Variants in STYXL2 observed in about 807,000 individuals in gnomAD.
STYXL2 encodes serine/threonine/tyrosine interacting like 2.
In STYXL2, 44 loss-of-function variants were observed where a neutral mutation model predicts 52.4. The observed-to-expected ratio is 0.84, with a 90% CI of 0.66 to 1.08. The LOEUF is 1.08. STYXL2 is among the 50% of genes least tolerant of loss of function. STYXL2 has a pLI of 0.00. For synonymous variants in STYXL2, 604 were observed against 586.9 expected (o/e 1.03, Z -0.42); for missense variants, 1,604 against 1,471.7 (o/e 1.09, Z -1.47).
At chr1:167,116,356 C>T (rs1027721317) in intron 3 of STYXL2, among the ~76,000 whole-genome samples, 3 of 152,090 alleles carry the variant, frequency 2.0e-5, no homozygotes, top group African/African-American at 7.2e-5. Context: ...CCCTGAGTCA[C>T]GTTTTGAGAT....
intron 5 of STYXL2, among the ~76,000 whole-genome samples, chr1:167,122,378 C>T (rs959720232): frequency 6.6e-6 from 1 of 152,130 alleles, no homozygotes; most frequent in Admixed American, 6.5e-5. Context: ...TGACATTAAA[C>T]TAGCTAATTT....
Position 167,126,933 on chromosome 1 carries a change from G to T in STYXL2, c.1802G>T (p.Gly601Val). 1.2e-6 allele frequency: 2 copies of T among 1,611,640 alleles called. No homozygotes were observed. The highest frequency in any genetic ancestry group is 1.7e-6 in the Non-Finnish European group (2 of 1,178,844). Reference protein sequence around the residue: ...AWKLKHQKKVGSENKEEVVEL... With the variant: ...AWKLKHQKKVVSENKEEVVEL... ...AAGCTGAAACACCAGAAGAAGGTGG[G>T]CAGTGAGAACAAGGAGGAGGTGGTG... The change falls in exon 6 of 6, where the codon GGC (glycine) becomes GTC (valine). Residue 601 changes from glycine to valine, a missense_variant. Gly to Val is a moderately radical substitution (Grantham distance 109). Coordinates refer to ENST00000361200, the MANE Select transcript of STYXL2 (RefSeq NM_001080426.3).
rs1266093597 is a variant in STYXL2, at chr1:167,128,235, A to C, written c.3104A>C (p.Glu1035Ala). Residue 1035 changes from glutamate (E) to alanine (A), a missense_variant, in exon 6 of 6, where the codon GAG (glutamate) becomes GCG (alanine). By Grantham distance (107) the Glu-to-Ala change is moderately radical (BLOSUM62 -1). Transcript: ENST00000361200. ...AACGAGACCTCAAGTTCCCGAGAGGAGAGCCCAGAGCCCTACTTCTTCCGC... is the reference window on the plus strand; with the variant it reads ...AACGAGACCTCAAGTTCCCGAGAGGCGAGCCCAGAGCCCTACTTCTTCCGC... The part of the protein sequence containing the change: ...TYNETSSSRE[E>A]SPEPYFFRRT... 1.1e-5 allele frequency: 17 copies of C among 1,614,176 alleles called. No individual in the cohort carries two copies. The highest frequency in any genetic ancestry group is 1.4e-5 in the Non-Finnish European group (17 of 1,180,030).
intron 2 of STYXL2, among the ~76,000 whole-genome samples, chr1:167,105,173 TTC>T (rs1238800241): frequency 1.5e-4 from 21 of 141,598 alleles, no homozygotes; most frequent in African/African-American, 6.4e-4. Flanking sequence ...CTTCCTTTTT[TTC>T]TGTTTCCTTT....
intron 2 of STYXL2, among the ~76,000 whole-genome samples, chr1:167,108,274 G>A (rs1282428365): frequency 4.6e-5 from 7 of 152,138 alleles, no homozygotes; most frequent in Non-Finnish European, 1.0e-4. Flanking sequence ...AGAGACACAG[G>A]TAAATAAGAC....
Position 167,127,168 on chromosome 1 carries a change from G to A in STYXL2, c.2037G>A (p.Leu679=), listed in dbSNP as rs1416367604. The A allele has an allele frequency of 2.5e-6, 4 of 1,613,982 alleles. No homozygotes were observed. Among genetic ancestry groups the A allele is most frequent in the Non-Finnish European group, 2.5e-6 (3 of 1,179,988 alleles). Residue 679 remains leucine (L), a synonymous_variant, in exon 6 of 6, where the codon CTG becomes CTA. Coordinates refer to ENST00000361200, the MANE Select transcript of STYXL2 (RefSeq NM_001080426.3). ...CTGATGGGGACACGACGTCAGTACT[G>A]AGCACCCAGAGCCACCGCTCCCACC... ...VSADGDTTSV[L]STQSHRSHLS... is the part of the protein sequence containing the mutation.
chr1:167,117,804 C>A (rs1490539421), intron 4 of STYXL2, among the ~76,000 whole-genome samples: 2 of 152,198 alleles, frequency 1.3e-5, no homozygotes, highest in African/African-American at 4.8e-5. Flanking sequence ...TCTCTTGTCC[C>A]TCAAGAAGGC....
rs1262995516 is a variant in STYXL2 at position 167,126,188 on chromosome 1, C to G, written c.1057C>G (p.Gln353Glu). 1 of 1,523,492 alleles carries G rather than the reference C, an allele frequency of 6.6e-7. No homozygotes were observed. The highest frequency in any genetic ancestry group is 1.4e-5 in the African/African-American group (1 of 71,936). 94.4% of individuals were successfully genotyped at this position (1,523,492 alleles called of 1,614,324 possible). ...GGAGGAGGAGGAGAAACTGTACGAG[C>G]AGTGGAAGAAGGGGCAGGGCCTCCT... ...DEEEEEKLYEQWKKGQGLLSD... is the reference protein window; with the variant it reads ...DEEEEEKLYEEWKKGQGLLSD... The change falls in exon 6 of 6, where the codon CAG (glutamine) becomes GAG (glutamate). Residue 353 changes from glutamine to glutamate, a missense_variant. Transcript: ENST00000361200.
rs543424523 is a variant in STYXL2 at position 167,117,781 on chromosome 1, C to T, written c.437+222C>T. On this transcript the variant is annotated intron_variant, in intron 4 of 5. Transcript: ENST00000361200. The stretch of plus-strand genomic sequence containing the variant: ...CCGCCATGACTGCTTATCCTTTGCC[C>T]TCTTGCCAGGACTCTCTTGTCCCTC... 7.5e-4 allele frequency among the ~76,000 whole-genome samples: 114 copies of T among 152,338 alleles called. 3 individuals are homozygous for T. In the South Asian group the frequency reaches 0.011, roughly 15 times the overall value.
chr1:167,097,186 T>C (rs1197260766), intron 2 of STYXL2, among the ~76,000 whole-genome samples: 3 of 152,238 alleles, frequency 2.0e-5, no homozygotes, highest in African/African-American at 4.8e-5. Context: ...CATAGCCACG[T>C]TGAAGACATG....
chr1:167,110,581 A>G (rs1667596882), intron 2 of STYXL2, among the ~76,000 whole-genome samples: 1 of 152,220 alleles, frequency 6.6e-6, no homozygotes, highest in South Asian at 2.1e-4. Context: ...AATACAAAAT[A>G]CACTGGAAAG....
At position 167,126,900 on chromosome 1, in the gene STYXL2, A is replaced by G. The variant is rs768511723; in HGVS notation, c.1769A>G (p.Gln590Arg). Residue 590 changes from glutamine (Q) to arginine (R), a missense_variant, in exon 6 of 6, where the codon CAG becomes CGG. By Grantham distance (43) the Gln-to-Arg change is conservative. Coordinates refer to ENST00000361200, the MANE Select transcript of STYXL2 (RefSeq NM_001080426.3). Reference protein sequence around the residue: ...NPSDVSLTAYQAWKLKHQKKV... With the variant: ...NPSDVSLTAYRAWKLKHQKKV... ...TCCGACGTCAGCCTGACAGCCTACCAGGCCTGGAAGCTGAAACACCAGAAG... is the reference window on the plus strand; with the variant it reads ...TCCGACGTCAGCCTGACAGCCTACCGGGCCTGGAAGCTGAAACACCAGAAG... 14 of 1,612,008 alleles carry G rather than the reference A, an allele frequency of 8.7e-6. No individual in the cohort carries two copies. The Admixed American group carries it at 2.2e-4, about 25-fold the overall frequency.
intron 2 of STYXL2, among the ~76,000 whole-genome samples, chr1:167,106,072 C>T (rs1353688483): frequency 6.6e-6 from 1 of 152,210 alleles, no homozygotes; most frequent in Admixed American, 6.5e-5. Flanking sequence ...AAATTCTCCC[C>T]TATCAAACCC....
Position 167,127,318 on chromosome 1 carries a change from T to G in STYXL2, c.2187T>G (p.Asn729Lys). 6.2e-7 allele frequency: 1 copy of G among 1,614,176 alleles called. No individual in the cohort carries two copies. The highest frequency in any genetic ancestry group is 8.5e-7 in the Non-Finnish European group (1 of 1,180,022). Residue 729 changes from asparagine (N) to lysine (K), a missense_variant, in exon 6 of 6, where the codon AAT becomes AAG. Physicochemically the swap from Asn to Lys is moderately conservative, Grantham distance 94. Coordinates refer to ENST00000361200, the MANE Select transcript of STYXL2 (RefSeq NM_001080426.3). Reference protein sequence around the residue: ...SIASIQNWIANVVSETLAQKQ... With the variant: ...SIASIQNWIAKVVSETLAQKQ... Reference sequence around the variant, plus strand: ...CCAGTATCCAGAACTGGATTGCCAATGTAGTCAGTGAGACCCTTGCTCAGA... The same window carrying G: ...CCAGTATCCAGAACTGGATTGCCAAGGTAGTCAGTGAGACCCTTGCTCAGA...
chr1:167,127,022 G>T lies in STYXL2; in HGVS notation c.1891G>T (p.Glu631Ter), dbSNP rs776600431. ...KKRQRRLELL[E>*]RSRQTLEESQ... ...GAGACAACGGAGGCTGGAGCTGCTG[G>T]AGAGAAGCCGGCAGACGCTGGAGGA... The change falls in exon 6 of 6, where the codon GAG (glutamate) becomes TAG (stop). Residue 631 changes from glutamate to a stop codon, truncating the protein, a stop_gained. Coordinates refer to ENST00000361200, the MANE Select transcript of STYXL2 (RefSeq NM_001080426.3). LOFTEE classifies it low-confidence loss of function (END_TRUNC). The T allele has an allele frequency of 6.2e-7, 1 of 1,606,986 alleles. No homozygotes were observed. The highest frequency in any genetic ancestry group is 8.5e-7 in the Non-Finnish European group (1 of 1,175,794).
At chr1:167,106,845 C>A (rs1427353982) in intron 2 of STYXL2, among the ~76,000 whole-genome samples, 1 of 152,216 alleles carries the variant, frequency 6.6e-6, no homozygotes, top group Non-Finnish European at 1.5e-5. Flanking sequence ...TTGTGTATCA[C>A]TACTGAGGAG....
rs1431692162 is a variant in STYXL2 at position 167,125,946 on chromosome 1, G to A, written c.815G>A (p.Arg272Gln). 3 of 1,613,746 alleles carry A rather than the reference G, an allele frequency of 1.9e-6. No individual in the cohort carries two copies. Among genetic ancestry groups the A allele is most frequent in the East Asian group, 2.2e-5 (1 of 44,818 alleles). ...YPNEGFLKQL[R>Q]ELNEKLMEER... The stretch of plus-strand genomic sequence containing the variant: ...AATGAGGGCTTCCTGAAGCAGCTGC[G>A]GGAGCTCAATGAGAAGTTGATGGAG... Residue 272 changes from arginine to glutamine, a missense_variant, in exon 6 of 6, where the codon CGG (arginine) becomes CAG (glutamine). Coordinates refer to ENST00000361200, the MANE Select transcript of STYXL2 (RefSeq NM_001080426.3).
intron 3 of STYXL2, among the ~76,000 whole-genome samples, chr1:167,116,930 G>A (rs139618945): frequency 1.4e-4 from 22 of 152,288 alleles, no homozygotes; most frequent in African/African-American, 5.1e-4. Context: ...GGTTACAGAC[G>A]TGAGCCACTA....
At chr1:167,115,968 G>T (rs1166719112) in intron 3 of STYXL2, among the ~76,000 whole-genome samples, 1 of 152,160 alleles carries the variant, frequency 6.6e-6, no homozygotes, top group Non-Finnish European at 1.5e-5. Context: ...AGACCCCTGG[G>T]AGGAGCAGAT....
Sources: allele counts gnomAD v4.1 joint callset (sites outside exome capture counted in the v4.1 genomes callset), GRCh38; gene constraint gnomAD v4.1.1; transcripts MANE v1.5; gene names NCBI Gene and HGNC (gene_info 2026-07-23, HGNC 2026-07-21).